The following PCDH7 variants were observed in gnomAD, a reference collection of about 807,000 sequenced individuals.
PCDH7 encodes protocadherin-7.
In PCDH7, 17 loss-of-function variants were observed where a neutral mutation model predicts 58.9. That is an observed-to-expected ratio of 0.29 (90% CI 0.20 to 0.43). The LOEUF is 0.43. Ranked by LOEUF, PCDH7 falls within the 20% of genes least tolerant of loss-of-function variation. The probability of loss-of-function intolerance (pLI) is 1.00; values close to 1 mark genes in which losing one functional copy is unlikely to be tolerated. For missense variants in PCDH7, 1,274 were observed against 1,441.0 expected, an observed-to-expected ratio of 0.88 and a Z score of 1.88; for synonymous variants, 664 against 616.4, an observed-to-expected ratio of 1.08 and a Z score of -1.14.
chr4:30,796,500 T>C (rs931361324), intron 1 of PCDH7, among the ~76,000 whole-genome samples: 8 of 152,206 alleles, frequency 5.3e-5, no homozygotes, highest in Admixed American at 2.0e-4. Flanking sequence ...CAACAGATCA[T>C]GGTTAGGCCT....
chr4:30,736,782 C>A (rs1419837251), downstream of PCDH7, among the ~76,000 whole-genome samples: 1 of 151,948 alleles, frequency 6.6e-6, no homozygotes, highest in Non-Finnish European at 1.5e-5. Context: ...GTGATCCGCC[C>A]GCCTCGGCCT....
At chr4:31,101,193 A>G (rs1448981903) in intron 3 of PCDH7, among the ~76,000 whole-genome samples, 2 of 152,174 alleles carry the variant, frequency 1.3e-5, no homozygotes, top group African/African-American at 4.8e-5. Flanking sequence ...TGTTAAGTCA[A>G]TTATACTCTT....
intron 1 of PCDH7, among the ~76,000 whole-genome samples, chr4:30,892,439 T>C (rs1738745336): frequency 6.6e-6 from 1 of 152,102 alleles, no homozygotes; most frequent in Non-Finnish European, 1.5e-5. Context: ...AATTATTCTA[T>C]ATCCAGTGAT....
chr4:30,786,212 A>G (rs1394664378), intron 1 of PCDH7, among the ~76,000 whole-genome samples: 1 of 152,056 alleles, frequency 6.6e-6, no homozygotes, highest in African/African-American at 2.4e-5. Flanking sequence ...ATTTCTATAG[A>G]GAAAGTGAGC....
intron 3 of PCDH7, among the ~76,000 whole-genome samples, chr4:31,101,626 G>A (rs139154600): frequency 7.4e-4 from 113 of 152,202 alleles, no homozygotes; most frequent in Non-Finnish European, 1.3e-3. Context: ...TTAACAATAC[G>A]TGACTATTGA....
At chr4:31,050,852 T>C (rs1183472529) in intron 3 of PCDH7, among the ~76,000 whole-genome samples, 2 of 152,154 alleles carry the variant, frequency 1.3e-5, no homozygotes, top group East Asian at 3.9e-4. Flanking sequence ...ATTGATTCTG[T>C]ATTTTAGAGA....
intron 1 of PCDH7, among the ~76,000 whole-genome samples, chr4:30,796,178 G>T (rs1724749690): frequency 6.6e-6 from 1 of 152,110 alleles, no homozygotes; most frequent in African/African-American, 2.4e-5. Flanking sequence ...GTTTAGGATT[G>T]CTTTATTTCA....
chr4:30,995,621 A>G lies in PCDH7; in HGVS notation c.*7+45406A>G, dbSNP rs181672383. On this transcript the variant is annotated intron_variant, in intron 3 of 3. Coordinates refer to the PCDH7 transcript ENST00000509759. ...TAAAACAGCACATTTATTATCTTAC[A>G]GTTCTGGAGTTCGGAAGTCCAAAGT... Among the ~76,000 whole-genome samples the G allele has an allele frequency of 1.9e-3, 282 of 152,240 alleles. 1 individual carries two copies. The highest frequency in any genetic ancestry group is 6.4e-3 in the African/African-American group (267 of 41,538).
At chr4:30,820,843 T>C (rs1395693279) in intron 1 of PCDH7, among the ~76,000 whole-genome samples, 1 of 152,114 alleles carries the variant, frequency 6.6e-6, no homozygotes, top group African/African-American at 2.4e-5. Flanking sequence ...GAAAATGCAA[T>C]GTTCATAAAT....
intron 3 of PCDH7, among the ~76,000 whole-genome samples, chr4:31,013,280 C>T (rs1753332756): frequency 7.2e-6 from 1 of 139,564 alleles, no homozygotes; most frequent in African/African-American, 2.5e-5. Flanking sequence ...TTAATGAAGA[C>T]TATGTGTACA....
At chr4:30,896,724 C>A (rs879837771) in intron 1 of PCDH7, among the ~76,000 whole-genome samples, 1 of 151,612 alleles carries the variant, frequency 6.6e-6, no homozygotes, top group Non-Finnish European at 1.5e-5. Flanking sequence ...ATATCTTGTA[C>A]TAATAATTGT....
Position 30,840,672 on chromosome 4 carries a change from T to C in PCDH7, c.71-79481T>C, listed in dbSNP as rs534872475. Among the ~76,000 whole-genome samples, 9 of 152,294 alleles carry C rather than the reference T, an allele frequency of 5.9e-5. No individual in the cohort carries two copies. In the East Asian group the frequency reaches 1.7e-3, roughly 29 times the overall value. On this transcript the variant is annotated intron_variant, in intron 1 of 3. Coordinates refer to the PCDH7 transcript ENST00000509759. Reference sequence around the variant, plus strand: ...TCAAGTTACAGGATTCTACTTGTCCTATTTCTGAGGAGCAGAACAAAATTT... The same window carrying C: ...TCAAGTTACAGGATTCTACTTGTCCCATTTCTGAGGAGCAGAACAAAATTT...
chr4:30,818,291 A>G (rs1446496972), intron 1 of PCDH7, among the ~76,000 whole-genome samples: 1 of 152,132 alleles, frequency 6.6e-6, no homozygotes, highest in Non-Finnish European at 1.5e-5. Context: ...TATTTAGCTT[A>G]CTTCTTTCTC....
intron 1 of PCDH7, among the ~76,000 whole-genome samples, chr4:30,775,718 G>A (rs1721972441): frequency 6.6e-6 from 1 of 152,008 alleles, no homozygotes; most frequent in Non-Finnish European, 1.5e-5. Context: ...CCAACGTGGT[G>A]AAACCCCATC....
chr4:31,134,271 C>T (rs1719329446), intron 3 of PCDH7, among the ~76,000 whole-genome samples: 1 of 151,976 alleles, frequency 6.6e-6, no homozygotes, highest in African/African-American at 2.4e-5. Context: ...ACCATCCTGG[C>T]CAACATGATG....
At chr4:30,846,004 T>TTGGTAGTCTAATAA (rs1731896862) in intron 1 of PCDH7, among the ~76,000 whole-genome samples, 2 of 151,958 alleles carry the variant, frequency 1.3e-5, no homozygotes, top group South Asian at 4.1e-4. Flanking sequence ...CTTGGAATTA[T>TTGGTAGTCTAATAA]TGGTAGTCTA....
At chr4:31,070,041 A>G (rs138437651) in intron 3 of PCDH7, among the ~76,000 whole-genome samples, 2,303 of 152,072 alleles carry the variant, frequency 0.015, 49 homozygotes, top group African/African-American at 0.048. Context: ...CTTGTATTCA[A>G]TCTGTGAATG....
chr4:30,811,056 T>C (rs1726927439), intron 1 of PCDH7, among the ~76,000 whole-genome samples: 1 of 152,166 alleles, frequency 6.6e-6, no homozygotes, highest in African/African-American at 2.4e-5. Flanking sequence ...TGCATCATGG[T>C]TTACCATGAC....
intron 1 of PCDH7, among the ~76,000 whole-genome samples, chr4:30,908,064 A>T (rs998525200): frequency 6.6e-6 from 1 of 152,076 alleles, no homozygotes; most frequent in Non-Finnish European, 1.5e-5. Context: ...ACACATGGAC[A>T]CAGGGCAGGG....
Sources: gnomAD v4.1 joint callset for allele counts (sites outside exome capture counted in the v4.1 genomes callset) on GRCh38, gnomAD v4.1.1 for gene constraint, MANE v1.5 for transcripts, NCBI Gene and HGNC (gene_info 2026-07-23, HGNC 2026-07-21) for gene names.